The following RARB variants were observed in gnomAD, a reference collection of about 807,000 sequenced individuals.
The protein encoded by RARB is retinoic acid receptor beta, also known as HBV-activated protein.
Under a neutral mutation model 51.9 loss-of-function variants are expected in RARB, and 17 were observed. The ratio of observed to expected loss-of-function variants is 0.33; its 90% CI spans 0.22 to 0.49. The LOEUF (loss-of-function observed/expected upper bound fraction) is 0.49, where lower values mean the gene tolerates loss of function less well. RARB is among the 20% of genes least tolerant of loss of function. The pLI is 0.99. For missense variants in RARB, 369 were observed against 550.8 expected, an observed-to-expected ratio of 0.67 and a Z score of 3.30; for synonymous variants, 215 against 195.4, an observed-to-expected ratio of 1.10 and a Z score of -0.84.
intron 5 of RARB, among the ~76,000 whole-genome samples, chr3:25,275,049 T>C (rs1239287978): frequency 6.6e-6 from 1 of 152,222 alleles, no homozygotes; most frequent in Non-Finnish European, 1.5e-5. Flanking sequence ...AAAAAGATCT[T>C]CGTCTTCTCT....
At chr3:25,340,464 A>G (rs1705195137) in intron 5 of RARB, among the ~76,000 whole-genome samples, 1 of 152,150 alleles carries the variant, frequency 6.6e-6, no homozygotes, top group South Asian at 2.1e-4. Context: ...TCTTTTGTAG[A>G]GAGAGGAAAT....
chr3:25,468,751 C>T (rs1302238127), intron 2 of RARB, among the ~76,000 whole-genome samples: 1 of 152,152 alleles, frequency 6.6e-6, no homozygotes, highest in African/African-American at 2.4e-5. Flanking sequence ...AAAAAGGAAG[C>T]GCTTACAAGG....
chr3:24,838,389 G>A (rs1405957044), intron 1 of RARB, among the ~76,000 whole-genome samples: 1 of 152,112 alleles, frequency 6.6e-6, no homozygotes, highest in African/African-American at 2.4e-5. Flanking sequence ...AGGAGCAATA[G>A]CAGAGTGACA....
intron 2 of RARB, among the ~76,000 whole-genome samples, chr3:24,907,392 A>G (rs1694889971): frequency 6.6e-6 from 1 of 152,254 alleles, no homozygotes; most frequent in South Asian, 2.1e-4. Context: ...CTGGATTAGA[A>G]AAGAGTTAGT....
chr3:25,587,637 G>C (rs1701448712), intron 5 of RARB, among the ~76,000 whole-genome samples: 1 of 152,178 alleles, frequency 6.6e-6, no homozygotes, highest in African/African-American at 2.4e-5. Flanking sequence ...AGGCAGGCTG[G>C]CTACAGGTCC....
At chr3:25,290,370 G>A (rs527771665) in intron 5 of RARB, among the ~76,000 whole-genome samples, 33 of 152,202 alleles carry the variant, frequency 2.2e-4, no homozygotes, top group South Asian at 6.2e-4. Flanking sequence ...CCACCCCCTC[G>A]AGAGAGGCCT....
intron 3 of RARB, among the ~76,000 whole-genome samples, chr3:25,075,323 G>C (rs1259884028): frequency 6.6e-6 from 1 of 152,116 alleles, no homozygotes; most frequent in African/African-American, 2.4e-5. Flanking sequence ...TTCAATCTCT[G>C]TTTATCCTTT....
chr3:25,479,883 A>G (rs889094195), intron 2 of RARB, among the ~76,000 whole-genome samples: 1 of 152,222 alleles, frequency 6.6e-6, no homozygotes, highest in Admixed American at 6.5e-5. Context: ...TCCCATGCAT[A>G]CATTACCAGC....
intron 2 of RARB, among the ~76,000 whole-genome samples, chr3:24,964,910 A>G (rs1051300587): frequency 6.6e-6 from 1 of 152,202 alleles, no homozygotes. Flanking sequence ...TTCTTAGTTC[A>G]CATCACATAG....
chr3:24,911,055 A>G (rs775122963), intron 2 of RARB, among the ~76,000 whole-genome samples: 1 of 152,198 alleles, frequency 6.6e-6, no homozygotes, highest in Admixed American at 6.5e-5. Flanking sequence ...ATGACTTCAT[A>G]TTTTATTTTA....
Position 25,299,699 on chromosome 3 carries a change from A to G in RARB, c.178+125124A>G, listed in dbSNP as rs556736725. On this transcript the variant is annotated intron_variant, in intron 5 of 11. Transcript: ENST00000383772. ...ATCCAATATGTTTTATTTTAGGAAC[A>G]TTATTCTGAGAAGAAGTTTACAACC... Among the ~76,000 whole-genome samples the G allele has an allele frequency of 2.1e-3, 326 of 152,344 alleles. 2 individuals are homozygous for G. Among genetic ancestry groups the G allele is most frequent in the African/African-American group, 7.6e-3 (314 of 41,574 alleles).
chr3:25,070,580 T>A (rs985969815), intron 3 of RARB, among the ~76,000 whole-genome samples: 2 of 152,196 alleles, frequency 1.3e-5, no homozygotes, highest in African/African-American at 2.4e-5. Context: ...ACTTACAATA[T>A]ACAAAATGCA....
At chr3:25,007,605 C>A (rs9853280) in intron 2 of RARB, among the ~76,000 whole-genome samples, 27,469 of 56,844 alleles carry the variant, frequency 0.48, 5,989 homozygotes, top group East Asian at 0.54. Flanking sequence ...AAAAAAAAAA[C>A]AAAAAAACCT....
chr3:25,202,976 TTCCTG>T (rs1252694193), intron 5 of RARB, among the ~76,000 whole-genome samples: 2 of 152,160 alleles, frequency 1.3e-5, no homozygotes, highest in Non-Finnish European at 2.9e-5. Context: ...CTGAGTTCAG[TTCCTG>T]GATATCCTTG....
intron 5 of RARB, among the ~76,000 whole-genome samples, chr3:25,199,564 T>C (rs533228225): frequency 1.6e-4 from 24 of 152,248 alleles, no homozygotes; most frequent in Admixed American, 1.0e-3. Context: ...TAACTTGTCA[T>C]TTACATTAGG....
At chr3:25,552,938 G>A (rs186334356) in intron 3 of RARB, among the ~76,000 whole-genome samples, 159 of 152,154 alleles carry the variant, frequency 1.0e-3, no homozygotes, top group African/African-American at 3.5e-3. Flanking sequence ...ATATAAATAC[G>A]TATTCCAGTT....
chr3:24,975,351 A>T (rs1175545799), intron 2 of RARB, among the ~76,000 whole-genome samples: 1 of 152,110 alleles, frequency 6.6e-6, no homozygotes, highest in Non-Finnish European at 1.5e-5. Flanking sequence ...ATTCCTGAGC[A>T]CCTACTTACT....
At chr3:24,834,917 CT>C (rs1444053126) in intron 1 of RARB, among the ~76,000 whole-genome samples, 1 of 152,010 alleles carries the variant, frequency 6.6e-6, no homozygotes. Context: ...TCTTCCTTTC[CT>C]TTTTCCTTTT....
intron 5 of RARB, among the ~76,000 whole-genome samples, chr3:25,271,404 C>G (rs984652656): frequency 6.6e-6 from 1 of 152,170 alleles, no homozygotes; most frequent in Admixed American, 6.5e-5. Flanking sequence ...AAGGCCTACA[C>G]AAGAGTATTT....
Sources: allele counts gnomAD v4.1 joint callset (sites outside exome capture counted in the v4.1 genomes callset), GRCh38; gene constraint gnomAD v4.1.1; transcripts MANE v1.5; gene names NCBI Gene and HGNC (gene_info 2026-07-23, HGNC 2026-07-21).